Variants in RPS6KA2 observed in about 807,000 individuals in gnomAD.
RPS6KA2 encodes ribosomal protein S6 kinase alpha-2.
A neutral mutation model predicts 91.8 loss-of-function variants in RPS6KA2; 42 were observed. The observed-to-expected ratio is 0.46, with a 90% confidence interval of 0.36 to 0.59. RPS6KA2 has a LOEUF of 0.59. RPS6KA2 is among the 20% of genes least tolerant of loss of function. The pLI is 0.00. For missense variants in RPS6KA2, 798 were observed against 978.5 expected, an observed-to-expected ratio of 0.82 and a Z score of 2.46; for synonymous variants, 414 against 393.6, an observed-to-expected ratio of 1.05 and a Z score of -0.61.
At chr6:166,593,972 A>G (rs1785442739) in intron 1 of RPS6KA2, among the ~76,000 whole-genome samples, 1 of 152,228 alleles carries the variant, frequency 6.6e-6, no homozygotes, top group African/African-American at 2.4e-5. Context: ...TGACCTAACA[A>G]TTCCATTCCC....
chr6:166,416,046 AC>A (rs1778496587), intron 19 of RPS6KA2, among the ~76,000 whole-genome samples: 1 of 146,146 alleles, frequency 6.8e-6, no homozygotes, highest in African/African-American at 2.6e-5. Flanking sequence ...CACCACCTCC[AC>A]CATCATCCTC....
rs1275744587 is a variant in RPS6KA2, at chr6:166,665,243, C to T, written c.124-126459G>A. 1.3e-5 allele frequency among the ~76,000 whole-genome samples: 2 copies of T among 152,150 alleles called. No homozygotes were observed. The highest frequency in any genetic ancestry group is 2.4e-5 in the African/African-American group (1 of 41,426). ...CAGGTGAAAGATTGTGAGATTTCAT[C>T]CTCAGGTACACACACCATGGTGTGA... On this transcript the variant is annotated intron_variant, in intron 2 of 21. Coordinates refer to the RPS6KA2 transcript ENST00000503859. The surrounding 1 kb of genome is among the most constrained non-coding windows in gnomAD (Gnocchi z 4.5).
intron 2 of RPS6KA2, among the ~76,000 whole-genome samples, chr6:166,810,646 A>G (rs950104912): frequency 2.0e-5 from 3 of 152,206 alleles, no homozygotes; most frequent in African/African-American, 7.2e-5. Context: ...CACCCCACGC[A>G]GGCCTGTTAC....
In RPS6KA2 at chr6:166,727,555, C is replaced by T. The variant is rs144242684; in HGVS notation, c.123+130645G>A. ...CCTAAGGTACCAGAATCCTCAGGGACGGCACCCAAAGCCACCAGCCCCCTA... is the reference window on the plus strand; with the variant it reads ...CCTAAGGTACCAGAATCCTCAGGGATGGCACCCAAAGCCACCAGCCCCCTA... On this transcript the variant is annotated intron_variant, in intron 2 of 21. Transcript: ENST00000503859. 5.3e-5 allele frequency among the ~76,000 whole-genome samples: 8 copies of T among 152,124 alleles called. No homozygotes were observed. The East Asian group carries it at 1.2e-3, about 22-fold the overall frequency.
At chr6:166,790,008 C>T (rs58455893) in intron 2 of RPS6KA2, among the ~76,000 whole-genome samples, 1,583 of 152,214 alleles carry the variant, frequency 0.01, 40 homozygotes, top group African/African-American at 0.036. Flanking sequence ...CAAAGCTGGA[C>T]GGAGAATGAC....
At position 166,583,195 on chromosome 6, in the gene RPS6KA2, T is replaced by C. The variant is rs543763784; in HGVS notation, c.99+43726A>G. On this transcript the variant is annotated intron_variant, in intron 1 of 20. Coordinates refer to ENST00000265678, the MANE Select transcript of RPS6KA2 (RefSeq NM_021135.6). ...ATCCTAGAAACAACCAAATTGCTAC[T>C]TGTGAGCTAAAAGTGCTGAATTCTT... 2.0e-5 allele frequency among the ~76,000 whole-genome samples: 3 copies of C among 152,352 alleles called. No individual in the cohort carries two copies. The East Asian group carries it at 5.8e-4, about 29-fold the overall frequency.
At chr6:166,536,111 C>T (rs944844313) in intron 2 of RPS6KA2, among the ~76,000 whole-genome samples, 1 of 152,228 alleles carries the variant, frequency 6.6e-6, no homozygotes, top group Non-Finnish European at 1.5e-5. Flanking sequence ...TCTGCATCTC[C>T]AATGTCATCA....
rs1778255482 is a variant in RPS6KA2 at position 166,410,171 on chromosome 6, C to T, written c.*2591G>A. 1 of 141,876 alleles carries T rather than the reference C, an allele frequency of 7.0e-6. No individual in the cohort carries two copies. Among genetic ancestry groups the T allele is most frequent in the Admixed American group, 7.2e-5 (1 of 13,946 alleles). 8.8% of individuals were successfully genotyped at this position (141,876 alleles called of 1,614,324 possible). ...TTATAAGTTCTGTGATTTTCATGAC[C>T]CGGGGGTGGGGGGTTGGGTTATGAT... is the stretch of plus-strand genomic sequence containing the variant. On this transcript the variant is annotated 3_prime_UTR_variant, in exon 21 of 21. Transcript: ENST00000265678.
At chr6:166,862,414 C>G in exon 1 of RPS6KA2, 1 of 1,353,126 alleles carries the variant, frequency 7.4e-7, no homozygotes, top group Non-Finnish European at 9.6e-7. Context: ...CCGTCCCCTC[C>G]CTGCCAAGCC....
chr6:166,454,542 G>C (rs1340096027), intron 12 of RPS6KA2, among the ~76,000 whole-genome samples: 2 of 151,974 alleles, frequency 1.3e-5, no homozygotes, highest in Non-Finnish European at 2.9e-5. Flanking sequence ...AAATCCCAAA[G>C]TACTTAGACA....
intron 2 of RPS6KA2, among the ~76,000 whole-genome samples, chr6:166,691,494 G>T (rs1331219357): frequency 6.6e-6 from 1 of 152,026 alleles, no homozygotes; most frequent in Non-Finnish European, 1.5e-5. Context: ...TCTCTCTCCT[G>T]CACACAAGCG....
At chr6:166,589,708 C>G (rs1024200347) in intron 1 of RPS6KA2, among the ~76,000 whole-genome samples, 2 of 152,230 alleles carry the variant, frequency 1.3e-5, no homozygotes, top group Non-Finnish European at 2.9e-5. Flanking sequence ...ACCTGTGTCT[C>G]CAGCATCTCT....
intron 2 of RPS6KA2, among the ~76,000 whole-genome samples, chr6:166,779,834 G>C (rs1405463025): frequency 6.6e-6 from 1 of 152,174 alleles, no homozygotes; most frequent in Non-Finnish European, 1.5e-5. Flanking sequence ...GCTGGGGCTA[G>C]CGTTGCCGAC....
At position 166,737,261 on chromosome 6, in the gene RPS6KA2, T is replaced by A. The variant is rs1055578186; in HGVS notation, c.123+120939A>T. Among the ~76,000 whole-genome samples the A allele has an allele frequency of 1.3e-5, 2 of 152,182 alleles. No individual in the cohort carries two copies. The highest frequency in any genetic ancestry group is 1.3e-4 in the Admixed American group (2 of 15,284). On this transcript the variant is annotated intron_variant, in intron 2 of 21. Transcript: ENST00000503859. This position sits in a 1 kb window ranked among gnomAD's most constrained non-coding sequence, Gnocchi z 4.3. Reference sequence around the variant, plus strand: ...ACTTGTAATATTATTTAGAAGCAAATAAATCTGCAAGGCTATTGGCGTCTC... The same window carrying A: ...ACTTGTAATATTATTTAGAAGCAAAAAAATCTGCAAGGCTATTGGCGTCTC...
chr6:166,509,010 G>C (rs561476197), intron 4 of RPS6KA2, among the ~76,000 whole-genome samples: 1 of 152,198 alleles, frequency 6.6e-6, no homozygotes, highest in African/African-American at 2.4e-5. Flanking sequence ...GTGAGGCACC[G>C]CGTGGCATCT....
At chr6:166,780,925 C>A (rs563823114) in intron 2 of RPS6KA2, among the ~76,000 whole-genome samples, 1 of 152,224 alleles carries the variant, frequency 6.6e-6, no homozygotes. Context: ...TGCAGAGCCA[C>A]GCTGCAATCA....
chr6:166,551,950 C>T (rs1343151211), intron 1 of RPS6KA2, among the ~76,000 whole-genome samples: 1 of 152,200 alleles, frequency 6.6e-6, no homozygotes, highest in Non-Finnish European at 1.5e-5. Flanking sequence ...AAACTGAAGT[C>T]GTTGACACAG....
intron 2 of RPS6KA2, among the ~76,000 whole-genome samples, chr6:166,797,099 T>G (rs186114327): frequency 7.9e-5 from 12 of 152,328 alleles, no homozygotes; most frequent in Admixed American, 7.8e-4. Context: ...GAGGATGATG[T>G]GGAGACAATC....
At chr6:166,436,730 G>A (rs1445112519) in intron 14 of RPS6KA2, among the ~76,000 whole-genome samples, 2 of 152,222 alleles carry the variant, frequency 1.3e-5, no homozygotes, top group African/African-American at 2.4e-5. Flanking sequence ...AGGAGGGTGG[G>A]TTTGCATGGG....
Sources: gnomAD v4.1 joint callset for allele counts (sites outside exome capture counted in the v4.1 genomes callset) on GRCh38, gnomAD v4.1.1 for gene constraint, Gnocchi (gnomAD v3.1) non-coding constraint, MANE v1.5 for transcripts, NCBI Gene and HGNC (gene_info 2026-07-23, HGNC 2026-07-21) for gene names.